ARSG: variants seen among roughly 807,000 people sequenced by gnomAD.
The protein encoded by ARSG is arylsulfatase G.
In ARSG, 37 loss-of-function variants were observed where a neutral mutation model predicts 50.5. That is an observed-to-expected ratio of 0.73 (90% CI 0.56 to 0.96). The LOEUF (loss-of-function observed/expected upper bound fraction) is 0.96, where lower values mean the gene tolerates loss of function less well. ARSG is among the 50% of genes least tolerant of loss of function. The pLI is 0.00. For missense variants in ARSG, 629 were observed against 675.3 expected (o/e 0.93, Z 0.76); for synonymous variants, 225 against 254.6 (o/e 0.88, Z 1.11).
At chr17:68,434,627 C>G in the ARSG span, 3 of 1,613,926 alleles carry the variant, frequency 1.9e-6, no homozygotes, top group Non-Finnish European at 2.5e-6. Context: ...TGACTGTGCC[C>G]TGGAAAAGAA....
chr17:68,411,633 G>C (rs144913894), intron 11 of ARSG, among the ~76,000 whole-genome samples: 1 of 143,682 alleles, frequency 7.0e-6, no homozygotes, highest in Non-Finnish European at 1.5e-5. Context: ...GTAGATGTCT[G>C]TTAGGTCCGC....
At chr17:68,411,637 G>C (rs1461029663) in intron 11 of ARSG, among the ~76,000 whole-genome samples, 1 of 147,280 alleles carries the variant, frequency 6.8e-6, no homozygotes, top group Admixed American at 6.7e-5. Flanking sequence ...ATGTCTGTTA[G>C]GTCCGCTTGG....
chr17:68,436,404 A>T, the ARSG span: 1 of 1,613,800 alleles, frequency 6.2e-7, no homozygotes, highest in African/African-American at 1.3e-5. Context: ...ATCATAAAGC[A>T]CAATCTCCCC....
intron 1 of ARSG, among the ~76,000 whole-genome samples, chr17:68,294,367 TTA>T (rs781970602): frequency 3.9e-5 from 6 of 152,198 alleles, no homozygotes; most frequent in Non-Finnish European, 8.8e-5. Context: ...CTGTCCACGT[TTA>T]TAGTCCTTCA....
At chr17:68,308,073 G>A (rs1433234558) in intron 2 of ARSG, among the ~76,000 whole-genome samples, 2 of 152,120 alleles carry the variant, frequency 1.3e-5, no homozygotes, top group African/African-American at 4.8e-5. Flanking sequence ...GGAGACTCAG[G>A]TGGGAGGTTC....
At chr17:68,281,890 T>C (rs1305993754) in intron 1 of ARSG, among the ~76,000 whole-genome samples, 2 of 152,230 alleles carry the variant, frequency 1.3e-5, no homozygotes, top group African/African-American at 4.8e-5. Flanking sequence ...GGAACACTTT[T>C]ACACTGCTGG....
intron 9 of ARSG, among the ~76,000 whole-genome samples, chr17:68,393,064 C>T (rs1297865548): frequency 1.3e-5 from 2 of 152,186 alleles, no homozygotes; most frequent in Non-Finnish European, 2.9e-5. Flanking sequence ...AAGACACAAA[C>T]ATCCAGTGAG....
chr17:68,430,373 A>AT, the ARSG span, among the ~76,000 whole-genome samples: 1 of 152,220 alleles, frequency 6.6e-6, no homozygotes, highest in African/African-American at 2.4e-5. Flanking sequence ...CAGAAGAGCC[A>AT]TTGTAAAGCT....
Position 68,301,866 on chromosome 17 carries a change from C to G in ARSG, c.-551-5077C>G, listed in dbSNP as rs1445310406. ...TCCTGATGGCTGCGTAGCTTCCTCC[C>G]TGACCTCACACAGATCCTTATCCAA... On this transcript the variant is annotated intron_variant, in intron 1 of 11. Transcript: ENST00000621439. 2.0e-5 allele frequency among the ~76,000 whole-genome samples: 3 copies of G among 152,038 alleles called. No individual in the cohort carries two copies. In the East Asian group the frequency reaches 5.8e-4, roughly 29 times the overall value.
At chr17:68,348,672 CTCA>C (rs1351876906) in intron 4 of ARSG, among the ~76,000 whole-genome samples, 26 of 152,248 alleles carry the variant, frequency 1.7e-4, no homozygotes, top group African/African-American at 6.3e-4. Flanking sequence ...ATTCTCATGC[CTCA>C]GCCTCCCAAG....
At chr17:68,278,375 T>G (rs1416909635) in intron 1 of ARSG, 1 of 1,218,484 alleles carries the variant, frequency 8.2e-7, no homozygotes, top group Non-Finnish European at 1.2e-6. Context: ...AGCATGAGGA[T>G]CGATGATTCT....
At position 68,347,159 on chromosome 17, in the gene ARSG, C is replaced by T. The variant is rs944810369; in HGVS notation, c.441C>T (p.His147=). The change falls in exon 4 of 12, where the codon CAC becomes CAT. Residue 147 remains histidine (H), a synonymous_variant. Transcript: ENST00000621439. ...ATCTTGGACACCACGGCTCTTATCA[C>T]CCCAACTTCCGTGGTAAGAATTCTT... is the stretch of plus-strand genomic sequence containing the variant. ...KWHLGHHGSY[H]PNFRGFDYYF... is the part of the protein sequence containing the mutation. 2.5e-6 allele frequency: 4 copies of T among 1,613,908 alleles called. No homozygotes were observed. The highest frequency in any genetic ancestry group is 1.3e-5 in the African/African-American group (1 of 74,934).
downstream of ARSG, chr17:68,425,930 T>C (rs1568620279): frequency 1.5e-5 from 10 of 669,660 alleles, no homozygotes; most frequent in Non-Finnish European, 2.6e-5. Context: ...ACAACAAATA[T>C]CCTATGGCTT....
chr17:68,364,896 CTGTG>C (rs1209070912), intron 6 of ARSG, among the ~76,000 whole-genome samples: 1 of 152,152 alleles, frequency 6.6e-6, no homozygotes, highest in African/African-American at 2.4e-5. Flanking sequence ...AGGGACTAGT[CTGTG>C]TGGGCTCTGC....
the ARSG span, among the ~76,000 whole-genome samples, chr17:68,439,830 ATT>A: frequency 6.6e-6 from 1 of 152,110 alleles, no homozygotes; most frequent in Non-Finnish European, 1.5e-5. Flanking sequence ...GTCTTTCCAG[ATT>A]TAACACTTCA....
chr17:68,319,399 A>G (rs2077191705), intron 2 of ARSG, among the ~76,000 whole-genome samples: 1 of 152,190 alleles, frequency 6.6e-6, no homozygotes, highest in African/African-American at 2.4e-5. Flanking sequence ...AAATCATGTC[A>G]TGCCCACCTT....
chr17:68,330,500 G>T (rs969977005), intron 2 of ARSG, among the ~76,000 whole-genome samples: 4 of 152,158 alleles, frequency 2.6e-5, no homozygotes, highest in Non-Finnish European at 5.9e-5. Flanking sequence ...TGGAAGTTGA[G>T]TTGATAGGAC....
intron 8 of ARSG, among the ~76,000 whole-genome samples, chr17:68,382,890 A>G (rs747241882): frequency 1.7e-4 from 26 of 152,306 alleles, no homozygotes; most frequent in Non-Finnish European, 3.8e-4. Context: ...CCCAGGATGT[A>G]GCCTGCACTA....
chr17:68,284,856 T>C (rs2075805573), intron 1 of ARSG, among the ~76,000 whole-genome samples: 1 of 152,232 alleles, frequency 6.6e-6, no homozygotes, highest in Non-Finnish European at 1.5e-5. Flanking sequence ...CCTTTGCATT[T>C]TGATGTGTGT....
Sources: allele counts gnomAD v4.1 joint callset (sites outside exome capture counted in the v4.1 genomes callset), GRCh38; gene constraint gnomAD v4.1.1; transcripts MANE v1.5; gene names NCBI Gene and HGNC (gene_info 2026-07-23, HGNC 2026-07-21).